Variants in SHCBP1L observed in about 807,000 individuals in gnomAD.
SHCBP1L encodes SHC binding and spindle associated 1 like.
Under a neutral mutation model 62.5 loss-of-function variants are expected in SHCBP1L, and 67 were observed. That is an observed-to-expected ratio of 1.07 (90% CI 0.88 to 1.31). SHCBP1L has a LOEUF of 1.31. SHCBP1L is among the 40% of genes most tolerant of loss of function. The pLI, the probability that SHCBP1L is intolerant of heterozygous loss-of-function variation, is 0.00. For synonymous variants in SHCBP1L, 284 were observed against 289.4 expected, an observed-to-expected ratio of 0.98 and a Z score of 0.19; for missense variants, 823 against 809.8, an observed-to-expected ratio of 1.02 and a Z score of -0.20.
At chr1:182,930,584 TATATATATATAC>T in intron 5 of SHCBP1L, among the ~76,000 whole-genome samples, 1 of 123,390 alleles carries the variant, frequency 8.1e-6, no homozygotes, top group African/African-American at 3.1e-5. Flanking sequence ...TATATATATA[TATATATATATAC>T]ACATATATAC....
intron 2 of SHCBP1L, among the ~76,000 whole-genome samples, chr1:182,945,632 C>T (rs1651538543): frequency 1.3e-5 from 2 of 152,198 alleles, no homozygotes; most frequent in Admixed American, 1.3e-4. Context: ...TTTGAGACCT[C>T]ACATATTTGA....
chr1:182,952,229 TATATATAC>T (rs1218909262), intron 1 of SHCBP1L, among the ~76,000 whole-genome samples: 655 of 60,400 alleles, frequency 0.011, 4 homozygotes, highest in East Asian at 0.047. Flanking sequence ...TATATATATA[TATATATAC>T]ACACACACAC....
At chr1:182,927,093 TA>T (rs1650785574) in intron 6 of SHCBP1L, among the ~76,000 whole-genome samples, 6 of 21,598 alleles carry the variant, frequency 2.8e-4, no homozygotes, top group African/African-American at 9.8e-4. Context: ...TATATATATA[TA>T]TATATATATA....
intron 7 of SHCBP1L, among the ~76,000 whole-genome samples, chr1:182,904,720 T>A (rs1191698673): frequency 4.6e-5 from 7 of 152,142 alleles, no homozygotes; most frequent in African/African-American, 1.7e-4. Context: ...CACATATTTT[T>A]AACAAATAAT....
intron 9 of SHCBP1L, among the ~76,000 whole-genome samples, chr1:182,901,135 C>T (rs1413080518): frequency 6.6e-6 from 1 of 152,082 alleles, no homozygotes; most frequent in Non-Finnish European, 1.5e-5. Flanking sequence ...GAGGGACAAC[C>T]ACATTCAGAT....
At chr1:182,931,684 C>G (rs541365117) in intron 5 of SHCBP1L, among the ~76,000 whole-genome samples, 16 of 152,240 alleles carry the variant, frequency 1.1e-4, no homozygotes, top group Admixed American at 9.2e-4. Flanking sequence ...CTTGTTCCCC[C>G]CGCACACACA....
intron 6 of SHCBP1L, among the ~76,000 whole-genome samples, chr1:182,920,063 G>A (rs1315804632): frequency 1.3e-5 from 2 of 152,148 alleles, no homozygotes; most frequent in East Asian, 3.9e-4. Context: ...CCCTGCCCCT[G>A]CTGATACATG....
chr1:182,912,323 T>C (rs1285173850), intron 6 of SHCBP1L, among the ~76,000 whole-genome samples: 2 of 152,172 alleles, frequency 1.3e-5, no homozygotes, highest in Non-Finnish European at 2.9e-5. Flanking sequence ...TAAACTGGGT[T>C]CCACCCCATA....
At chr1:182,950,608 T>G (rs1470359619) in intron 2 of SHCBP1L, 2 of 151,850 alleles carry the variant, frequency 1.3e-5, no homozygotes, top group Non-Finnish European at 2.9e-5. Flanking sequence ...GAGAATCGCT[T>G]GAACCGGGGA....
Position 182,929,662 on chromosome 1 carries a change from C to A in SHCBP1L, c.1167G>T (p.Met389Ile). 6.4e-7 allele frequency: 1 copy of A among 1,566,218 alleles called. No homozygotes were observed. Among genetic ancestry groups the A allele is most frequent in the Non-Finnish European group, 8.6e-7 (1 of 1,160,902 alleles). The change falls in exon 6 of 10, where the codon ATG (methionine) becomes ATT (isoleucine). Residue 389 changes from methionine to isoleucine, a missense_variant. By Grantham distance (10) the Met-to-Ile change is conservative. Coordinates refer to ENST00000367547, the MANE Select transcript of SHCBP1L (RefSeq NM_030933.4). Reference sequence around the variant, plus strand: ...TATTTCTTACCATTTCAGTAGTCATCATTTTTGCTACAATATGTGTTATAG... The same window carrying A: ...TATTTCTTACCATTTCAGTAGTCATAATTTTTGCTACAATATGTGTTATAG... ...GKTITHIVAK[M>I]MTTEMIKDLS...
chr1:182,936,259 C>G (rs1210857900), intron 5 of SHCBP1L, among the ~76,000 whole-genome samples: 2 of 150,180 alleles, frequency 1.3e-5, no homozygotes, highest in Non-Finnish European at 3.0e-5. Flanking sequence ...TCTCAGCCTC[C>G]TGAGTAGCTG....
intron 6 of SHCBP1L, among the ~76,000 whole-genome samples, chr1:182,918,165 TAC>T (rs1271613438): frequency 1.4e-5 from 2 of 147,726 alleles, no homozygotes; most frequent in Non-Finnish European, 3.0e-5. Flanking sequence ...CACATATATA[TAC>T]ACACATATAT....
chr1:182,914,897 T>A (rs1273364505), intron 6 of SHCBP1L, among the ~76,000 whole-genome samples: 1 of 151,528 alleles, frequency 6.6e-6, no homozygotes, highest in Non-Finnish European at 1.5e-5. Flanking sequence ...AGGCCGGGTG[T>A]GGTGGCTCAT....
intron 1 of SHCBP1L, chr1:182,952,469 C>A (rs1331291034): frequency 3.7e-5 from 16 of 431,794 alleles, no homozygotes; most frequent in Non-Finnish European, 4.8e-5. Flanking sequence ...TTTAGGAGCT[C>A]TCAGAAAATT....
Position 182,924,772 on chromosome 1 carries a change from GAA to G in SHCBP1L, c.1182+4873_1182+4874del, listed in dbSNP as rs745711634. Among the ~76,000 whole-genome samples, 226 of 92,926 alleles carry G rather than the reference GAA, an allele frequency of 2.4e-3. 12 individuals are homozygous for G. The highest frequency in any genetic ancestry group is 0.012 in the African/African-American group (159 of 13,620). The allele number at this position is 92,926 out of a possible 152,430, so 61.0% of individuals were successfully genotyped here. A position where few individuals can be genotyped will look rare whatever the true frequency, so the allele number is the denominator to read the frequency against. ...AGAAAGAAAGAAAGAAAGAAAGAAA[GAA>G]AGAAAGAAAGAAAGAGAGAAAGAAA... On this transcript the variant is annotated intron_variant, in intron 6 of 9. Coordinates refer to ENST00000367547, the MANE Select transcript of SHCBP1L (RefSeq NM_030933.4).
chr1:182,944,259 G>C (rs1242923428), intron 2 of SHCBP1L: 1 of 152,166 alleles, frequency 6.6e-6, no homozygotes, highest in African/African-American at 2.4e-5. Context: ...TACAAAATTA[G>C]CCAGGCATGG....
rs1243561444 is a variant in SHCBP1L, at chr1:182,905,573, C to T, written c.1259G>A (p.Gly420Glu). ...LDLALDNCYS[G>E]DTVIIFPGEY... ...TCCTGGAAAAATTATTACTGTATCT[C>T]CACTATAACAATTATCCAAAGCCAA... is the stretch of plus-strand genomic sequence containing the variant. The change falls in exon 7 of 10, where the codon GGA (glycine) becomes GAA (glutamate). Residue 420 changes from glycine (G) to glutamate (E), a missense_variant. Transcript: ENST00000367547. The T allele has an allele frequency of 1.2e-6, 2 of 1,613,692 alleles. No individual in the cohort carries two copies. Among genetic ancestry groups the T allele is most frequent in the South Asian group, 2.2e-5 (2 of 91,062 alleles).
chr1:182,930,570 T>TATATATACACATATATAC (rs1650942990), intron 5 of SHCBP1L, among the ~76,000 whole-genome samples: 1 of 123,174 alleles, frequency 8.1e-6, no homozygotes, highest in Non-Finnish European at 1.7e-5. Context: ...TATATATATA[T>TATATATACACATATATAC]ATATATATAT....
chr1:182,905,415 ATTCC>A, intron 7 of SHCBP1L, 77 bp downstream of exon 7: 1 of 1,346,186 alleles, frequency 7.4e-7, no homozygotes, highest in South Asian at 1.4e-5. Flanking sequence ...ATTTCCAATA[ATTCC>A]ATTAAGCATG....
Sources: gnomAD v4.1 joint callset for allele counts (sites outside exome capture counted in the v4.1 genomes callset) on GRCh38, gnomAD v4.1.1 for gene constraint, MANE v1.5 for transcripts, NCBI Gene and HGNC (gene_info 2026-07-23, HGNC 2026-07-21) for gene names.